Variants in SOX13 observed in about 807,000 individuals in gnomAD.
SOX13 encodes the protein SRY-box transcription factor 13.
SOX13 carries 28 observed loss-of-function variants against 71.8 expected under a neutral mutation model. The ratio of observed to expected loss-of-function variants is 0.39; its 90% CI spans 0.29 to 0.53. The LOEUF (loss-of-function observed/expected upper bound fraction) is 0.53. Among genes scored for constraint, SOX13 ranks in the 20% least tolerant of loss-of-function variants. SOX13 has a pLI of 0.70. For synonymous variants in SOX13, 309 were observed against 317.8 expected (o/e 0.97, Z 0.29); for missense variants, 627 against 810.3 (o/e 0.77, Z 2.75).
intron 1 of SOX13, among the ~76,000 whole-genome samples, chr1:204,087,023 C>T (rs986872778): frequency 3.3e-5 from 5 of 151,936 alleles, no homozygotes; most frequent in Middle Eastern, 3.2e-3. Context: ...CCCGGGTTCA[C>T]GCCATTCTCC....
Position 204,094,304 on chromosome 1 carries a change from C to A in SOX13, c.-1-18611C>A, listed in dbSNP as rs958483399. Among the ~76,000 whole-genome samples, 2 of 152,322 alleles carry A rather than the reference C, an allele frequency of 1.3e-5. 1 individual carries two copies. The highest frequency in any genetic ancestry group is 3.9e-4 in the East Asian group (2 of 5,182). On this transcript the variant is annotated intron_variant, in intron 1 of 13. Transcript: ENST00000367204. Reference sequence around the variant, plus strand: ...AACTCGAGCCCTCTGCTCTTTCCACCGCACACGCAGACCTCTCACCTGGGC... The same window carrying A: ...AACTCGAGCCCTCTGCTCTTTCCACAGCACACGCAGACCTCTCACCTGGGC...
rs563547329 is a variant in SOX13 at position 204,117,197 on chromosome 1, G to A, written c.660+7G>A. 4.3e-6 allele frequency: 7 copies of A among 1,613,538 alleles called. No individual in the cohort carries two copies. Among genetic ancestry groups the A allele is most frequent in the East Asian group, 2.2e-5 (1 of 44,874 alleles). On this transcript the variant is annotated splice_region_variant and intron_variant, in intron 6 of 13. Transcript: ENST00000367204. Reference sequence around the variant, plus strand: ...CCTTCAGCAGCAGATCCAGGTAACCGGAGGGGAGACCCGGAGAGGCACAGG... The same window carrying A: ...CCTTCAGCAGCAGATCCAGGTAACCAGAGGGGAGACCCGGAGAGGCACAGG...
At chr1:204,118,988 A>T (rs1656750768) in intron 7 of SOX13, 1 of 152,164 alleles carries the variant, frequency 6.6e-6, no homozygotes, top group African/African-American at 2.4e-5. Context: ...AGTTATGGGG[A>T]CAGGGCAGAG....
In SOX13 at chr1:204,125,932, AG is replaced by A; in HGVS notation, c.1668del (p.Gln556HisfsTer18). On this transcript the variant is annotated frameshift_variant, in exon 14 of 14. Transcript: ENST00000367204. LOFTEE classifies it high-confidence loss of function. ...CGGGCAGCAGGCATGCCGCTGGCAC[AG>A]CCACTGGTGGAGCACTATGTCCCTC... Reference protein sequence around the residue: ...YPRAAGMPLAQPLVEHYVPRS... With the variant: ...YPRAAGMPLAXPLVEHYVPRS... 1 of 1,613,766 alleles carries A rather than the reference AG, an allele frequency of 6.2e-7. No individual in the cohort carries two copies. Among genetic ancestry groups the A allele is most frequent in the Non-Finnish European group, 8.5e-7 (1 of 1,179,832 alleles).
At chr1:204,105,823 C>G (rs1429146990) in intron 1 of SOX13, among the ~76,000 whole-genome samples, 2 of 152,142 alleles carry the variant, frequency 1.3e-5, no homozygotes, top group African/African-American at 4.8e-5. Context: ...CACGCAGGAG[C>G]ACTTCCATCC....
In SOX13 at chr1:204,112,925, A is replaced by T. The variant is rs1336380854; in HGVS notation, c.10A>T (p.Arg4Trp). The T allele has an allele frequency of 6.2e-7, 1 of 1,613,328 alleles. No individual in the cohort carries two copies. Among genetic ancestry groups the T allele is most frequent in the Non-Finnish European group, 8.5e-7 (1 of 1,179,618 alleles). The change falls in exon 2 of 14, where the codon AGG (arginine) becomes TGG (tryptophan). Residue 4 changes from arginine to tryptophan, a missense_variant. This residue lies in a region of SOX13 where 447 missense variants were observed against 532.2 expected (regional missense o/e 0.84). Coordinates refer to ENST00000367204, the MANE Select transcript of SOX13 (RefSeq NM_005686.3). ...CTGTCCCTCCCCCAGGATGTCCATG[A>T]GGAGCCCCATCTCTGCCCAGCTGGC... MSM[R>W]SPISAQLALD... is the part of the protein sequence containing the mutation.
intron 1 of SOX13, 43 bp from the exon 2 acceptor site, chr1:204,112,872 T>C (rs201582954): frequency 1.3e-6 from 2 of 1,551,872 alleles, no homozygotes; most frequent in African/African-American, 2.7e-5. Flanking sequence ...GGCAGAAGTT[T>C]ACGACTGGGG....
intron 1 of SOX13, among the ~76,000 whole-genome samples, chr1:204,102,342 T>G (rs566283937): frequency 2.7e-3 from 416 of 152,052 alleles, no homozygotes; most frequent in Non-Finnish European, 4.3e-3. Flanking sequence ...AACGCAAGGG[T>G]TAATGATATA....
At chr1:204,106,320 A>G (rs142591045) in intron 1 of SOX13, among the ~76,000 whole-genome samples, 1 of 152,262 alleles carries the variant, frequency 6.6e-6, no homozygotes, top group East Asian at 1.9e-4. Flanking sequence ...GGAGCTGTCT[A>G]ATAGTCCTAA....
At chr1:204,105,829 C>G (rs1296571602) in intron 1 of SOX13, among the ~76,000 whole-genome samples, 1 of 152,158 alleles carries the variant, frequency 6.6e-6, no homozygotes, top group Non-Finnish European at 1.5e-5. Flanking sequence ...GGAGCACTTC[C>G]ATCCAAGCGA....
At chr1:204,117,294 A>G (rs1656714665) in intron 6 of SOX13, 104 bp downstream of exon 6, 2 of 1,013,534 alleles carry the variant, frequency 2.0e-6, no homozygotes, top group Non-Finnish European at 3.1e-6. Flanking sequence ...TTAAAGAGCC[A>G]GAGCAGAATC....
At chr1:204,076,381 G>T (rs775878207) in intron 1 of SOX13, among the ~76,000 whole-genome samples, 6 of 152,170 alleles carry the variant, frequency 3.9e-5, no homozygotes, top group Non-Finnish European at 7.3e-5. Flanking sequence ...CCCAGGAGGA[G>T]CCCTGCTCCC....
At position 204,122,915 on chromosome 1, in the gene SOX13, C is replaced by T; in HGVS notation, c.1086C>T (p.His362=). 2.5e-6 allele frequency: 4 copies of T among 1,589,950 alleles called. No individual in the cohort carries two copies. The highest frequency in any genetic ancestry group is 3.4e-6 in the Non-Finnish European group (4 of 1,167,914). Residue 362 remains histidine (H), a synonymous_variant, in exon 10 of 14, where the codon CAC becomes CAT. Transcript: ENST00000367204. Reference sequence around the variant, plus strand: ...TCCAGGATGCTCGGCAGCTGCTGCACAGCCACAGTGGGGCCTTGGATGGCT... The same window carrying T: ...TCCAGGATGCTCGGCAGCTGCTGCATAGCCACAGTGGGGCCTTGGATGGCT... ...KAIQDARQLL[H]SHSGALDGSP...
At chr1:204,086,949 G>C (rs181255444) in intron 1 of SOX13, among the ~76,000 whole-genome samples, 11 of 149,936 alleles carry the variant, frequency 7.3e-5, no homozygotes, top group Admixed American at 2.0e-4. Flanking sequence ...TTGAGACGGA[G>C]TCTCACTCTG....
Position 204,121,989 on chromosome 1 carries a change from C to G in SOX13, c.861+4C>G. On this transcript the variant is annotated splice_donor_region_variant and intron_variant, in intron 8 of 13. Coordinates refer to ENST00000367204, the MANE Select transcript of SOX13 (RefSeq NM_005686.3). ...GGCCACCCACCACCCCCTGCAGGTA[C>G]CGCCCTCTACCCACTGGCCTGGGGC... The G allele has an allele frequency of 6.3e-7, 1 of 1,592,268 alleles. No individual in the cohort carries two copies. The highest frequency in any genetic ancestry group is 8.6e-7 in the Non-Finnish European group (1 of 1,161,306).
In SOX13 at chr1:204,112,932, C is replaced by G; in HGVS notation, c.17C>G (p.Pro6Arg). 1 of 1,613,600 alleles carries G rather than the reference C, an allele frequency of 6.2e-7. No homozygotes were observed. The highest frequency in any genetic ancestry group is 1.1e-5 in the South Asian group (1 of 91,040). The part of the protein sequence containing the change: MSMRS[P>R]ISAQLALDGV... ...TCCCCCAGGATGTCCATGAGGAGCCCCATCTCTGCCCAGCTGGCCCTGGAT... is the reference window on the plus strand; with the variant it reads ...TCCCCCAGGATGTCCATGAGGAGCCGCATCTCTGCCCAGCTGGCCCTGGAT... Residue 6 changes from proline to arginine, a missense_variant, in exon 2 of 14, where the codon CCC becomes CGC. By Grantham distance (103) the Pro-to-Arg change is moderately radical. This residue lies in a region of SOX13 where 447 missense variants were observed against 532.2 expected (regional missense o/e 0.84). Coordinates refer to ENST00000367204, the MANE Select transcript of SOX13 (RefSeq NM_005686.3).
chr1:204,100,628 G>T (rs1413518645), intron 1 of SOX13, among the ~76,000 whole-genome samples: 1 of 152,190 alleles, frequency 6.6e-6, no homozygotes, highest in Non-Finnish European at 1.5e-5. Flanking sequence ...AAGAAAACTT[G>T]CTTTAGTGGC....
In SOX13 at chr1:204,117,340, T is replaced by C. The variant is rs1571590888; in HGVS notation, c.660+150T>C. ...GACCTGAGGAGGGTTATTTCTATTC[T>C]AGCCCCCAACCTGTCTTCCTTCCCT... On this transcript the variant is annotated intron_variant, in intron 6 of 13. Transcript: ENST00000367204. 1.5e-5 allele frequency: 11 copies of C among 753,926 alleles called. 2 individuals carry two copies. In the South Asian group the frequency reaches 1.8e-4, roughly 12 times the overall value. The allele number at this position is 753,926 out of a possible 1,614,324, so 46.7% of individuals were successfully genotyped here. A position where few individuals can be genotyped will look rare whatever the true frequency, so the allele number is the denominator to read the frequency against.
At position 204,073,714 on chromosome 1, in the gene SOX13, A is replaced by G. The variant is rs1198897457; in HGVS notation, c.-2+3A>G. On this transcript the variant is annotated splice_donor_region_variant and intron_variant, in intron 1 of 13. Coordinates refer to ENST00000367204, the MANE Select transcript of SOX13 (RefSeq NM_005686.3). The surrounding 1 kb of genome is among the most constrained non-coding windows in gnomAD (Gnocchi z 6.8). ...CGAGCCCGGCGCCTGGCTGAGTAGT[A>G]AGTGCACCCCTCCCCGCCATGATCG... 1 of 152,290 alleles carries G rather than the reference A, an allele frequency of 6.6e-6. No homozygotes were observed. The highest frequency in any genetic ancestry group is 2.4e-5 in the African/African-American group (1 of 41,432). 9.4% of individuals were successfully genotyped at this position (152,290 alleles called of 1,614,324 possible).
Sources: gnomAD v4.1 joint callset for allele counts (sites outside exome capture counted in the v4.1 genomes callset) on GRCh38, gnomAD v4.1.1 for gene constraint, gnomAD v4.1.1 regional missense constraint, Gnocchi (gnomAD v3.1) non-coding constraint, MANE v1.5 for transcripts, NCBI Gene and HGNC (gene_info 2026-07-23, HGNC 2026-07-21) for gene names.